Variants in RANBP9 observed in about 807,000 individuals in gnomAD.
RANBP9 encodes ran-binding protein 9.
Under a neutral mutation model 84.3 loss-of-function variants are expected in RANBP9, and 15 were observed. The observed-to-expected ratio is 0.18, with a 90% confidence interval of 0.12 to 0.27. The LOEUF (loss-of-function observed/expected upper bound fraction) is 0.27. Ranked by LOEUF, RANBP9 falls within the 10% of genes least tolerant of loss-of-function variation. RANBP9 has a pLI of 1.00. For missense variants in RANBP9, 809 were observed against 912.8 expected, an observed-to-expected ratio of 0.89 and a Z score of 1.46; for synonymous variants, 392 against 349.6, an observed-to-expected ratio of 1.12 and a Z score of -1.35.
chr6:13,682,720 G>C (rs1345973127), intron 2 of RANBP9, among the ~76,000 whole-genome samples: 3 of 152,088 alleles, frequency 2.0e-5, no homozygotes, highest in African/African-American at 7.2e-5. Context: ...CCAAATTACT[G>C]ATATTTTAAT....
chr6:13,689,501 T>A (rs886111532), intron 2 of RANBP9, among the ~76,000 whole-genome samples: 1 of 152,110 alleles, frequency 6.6e-6, no homozygotes, highest in Non-Finnish European at 1.5e-5. Context: ...CTCGAACTCT[T>A]TATCTCAGGT....
At chr6:13,708,439 A>ACAC (rs1376405400) in intron 1 of RANBP9, among the ~76,000 whole-genome samples, 336 of 151,640 alleles carry the variant, frequency 2.2e-3, no homozygotes, top group African/African-American at 7.6e-3. Context: ...CACATACACA[A>ACAC]AAACACCAGA....
At chr6:13,644,985 T>C (rs866255988) in intron 5 of RANBP9, among the ~76,000 whole-genome samples, 3 of 152,326 alleles carry the variant, frequency 2.0e-5, no homozygotes, top group Middle Eastern at 6.8e-3. Flanking sequence ...AGGGACTACG[T>C]TGTATTATAC....
intron 1 of RANBP9, among the ~76,000 whole-genome samples, chr6:13,700,996 A>G (rs1702466450): frequency 6.6e-6 from 1 of 152,150 alleles, no homozygotes; most frequent in African/African-American, 2.4e-5. Flanking sequence ...AAACACCGGT[A>G]TCTTCCTCCA....
intron 2 of RANBP9, among the ~76,000 whole-genome samples, chr6:13,660,357 C>A (rs1765512105): frequency 6.6e-6 from 1 of 151,878 alleles, no homozygotes; most frequent in Admixed American, 6.6e-5. Flanking sequence ...AAAAACAAAA[C>A]CATCAGTTGT....
intron 11 of RANBP9, 118 bp downstream of exon 11, chr6:13,634,313 T>TAC (rs1764877444): frequency 3.1e-6 from 4 of 1,270,630 alleles, no homozygotes; most frequent in Non-Finnish European, 4.3e-6. Flanking sequence ...TGTCAAGTCC[T>TAC]ACAGCACATA....
At chr6:13,671,448 A>C (rs538806299) in intron 2 of RANBP9, among the ~76,000 whole-genome samples, 1 of 152,262 alleles carries the variant, frequency 6.6e-6, no homozygotes, top group Non-Finnish European at 1.5e-5. Context: ...TTAATTTGGC[A>C]ACAAAAAGGA....
Position 13,652,539 on chromosome 6 carries a change from C to T in RANBP9, c.927+120G>A, listed in dbSNP as rs942522174. The T allele has an allele frequency of 1.4e-5, 13 of 961,896 alleles. No individual in the cohort carries two copies. In the Admixed American group the frequency reaches 1.9e-4, roughly 14 times the overall value. 59.6% of individuals were successfully genotyped at this position (961,896 alleles called of 1,614,324 possible). A position where few individuals can be genotyped will look rare whatever the true frequency, so the allele number is the denominator to read the frequency against. On this transcript the variant is annotated intron_variant, in intron 5 of 13. Transcript: ENST00000011619. Reference sequence around the variant, plus strand: ...AGAAAAGATCTCTTTCTTTGCATGTCATATAAACCTAATAAATATCAATAA... The same window carrying T: ...AGAAAAGATCTCTTTCTTTGCATGTTATATAAACCTAATAAATATCAATAA...
At chr6:13,677,285 T>G (rs1337417394) in intron 2 of RANBP9, among the ~76,000 whole-genome samples, 6 of 152,120 alleles carry the variant, frequency 3.9e-5, no homozygotes, top group Non-Finnish European at 7.4e-5. Flanking sequence ...TAGGCATAAA[T>G]CTAACAAATA....
In RANBP9 at chr6:13,658,712, T is replaced by G. The variant is rs544769622; in HGVS notation, c.736+68A>C. The stretch of plus-strand genomic sequence containing the variant: ...AGTATCTTTAAATATTACAATTTCT[T>G]ACTTGAAAAATTTAACCAGAAAGAG... On this transcript the variant is annotated intron_variant, in intron 3 of 13. Transcript: ENST00000011619. The G allele has an allele frequency of 4.8e-5, 60 of 1,255,622 alleles. No homozygotes were observed. The East Asian group carries it at 1.2e-3, about 25-fold the overall frequency. The allele number at this position is 1,255,622 out of a possible 1,614,324, so 77.8% of individuals were successfully genotyped here.
intron 2 of RANBP9, among the ~76,000 whole-genome samples, chr6:13,675,423 A>G (rs555679761): frequency 4.5e-4 from 68 of 152,300 alleles, no homozygotes; most frequent in African/African-American, 1.4e-3. Flanking sequence ...AAGAAGTCTA[A>G]AGAGAAATTT....
chr6:13,637,376 T>G (rs1416754650), intron 10 of RANBP9, among the ~76,000 whole-genome samples: 2 of 126,152 alleles, frequency 1.6e-5, no homozygotes, highest in Non-Finnish European at 3.4e-5. Flanking sequence ...TTCTACACAT[T>G]TACACCAAAA....
At chr6:13,690,918 C>T (rs1766308494) in intron 2 of RANBP9, among the ~76,000 whole-genome samples, 1 of 152,098 alleles carries the variant, frequency 6.6e-6, no homozygotes, top group Admixed American at 6.6e-5. Context: ...GTAATCCCAA[C>T]ACTTTGGGAG....
At chr6:13,705,241 T>C (rs895785346) in intron 1 of RANBP9, among the ~76,000 whole-genome samples, 1 of 151,402 alleles carries the variant, frequency 6.6e-6, no homozygotes, top group Non-Finnish European at 1.5e-5. Flanking sequence ...CCATCGCTAC[T>C]AAATATACAA....
intron 2 of RANBP9, among the ~76,000 whole-genome samples, chr6:13,664,838 A>G (rs1562310348): frequency 6.6e-6 from 1 of 152,206 alleles, no homozygotes; most frequent in East Asian, 1.9e-4. Flanking sequence ...GGAAAGCTGT[A>G]GAAGTTACAC....
chr6:13,702,527 G>A (rs1758000840), intron 1 of RANBP9, among the ~76,000 whole-genome samples: 1 of 152,126 alleles, frequency 6.6e-6, no homozygotes, highest in Admixed American at 6.6e-5. Context: ...TTTAATTTAT[G>A]TCGCTTCAGT....
At chr6:13,699,507 G>T (rs1021483644) in intron 1 of RANBP9, among the ~76,000 whole-genome samples, 1 of 152,052 alleles carries the variant, frequency 6.6e-6, no homozygotes, top group Non-Finnish European at 1.5e-5. Flanking sequence ...TACAATATTT[G>T]TGCATACTTA....
At position 13,689,373 on chromosome 6, in the gene RANBP9, C is replaced by T. The variant is rs539329478; in HGVS notation, c.683+7412G>A. Among the ~76,000 whole-genome samples, 8 of 151,270 alleles carry T rather than the reference C, an allele frequency of 5.3e-5. No homozygotes were observed. The South Asian group carries it at 8.3e-4, about 16-fold the overall frequency. On this transcript the variant is annotated intron_variant, in intron 2 of 13. Transcript: ENST00000011619. ...GCAACCTTTGTATCCTGGGTTCAAG[C>T]GATTCTTCTGCCTTGGCTCCCCAAG...
At chr6:13,693,568 G>A (rs1173346380) in intron 2 of RANBP9, among the ~76,000 whole-genome samples, 1 of 152,040 alleles carries the variant, frequency 6.6e-6, no homozygotes, top group Non-Finnish European at 1.5e-5. Context: ...GCAACATGGT[G>A]AAACCCCGAC....
Sources: allele counts gnomAD v4.1 joint callset (sites outside exome capture counted in the v4.1 genomes callset), GRCh38; gene constraint gnomAD v4.1.1; transcripts MANE v1.5; gene names NCBI Gene and HGNC (gene_info 2026-07-23, HGNC 2026-07-21).